The following MAP2K1 variants were observed in gnomAD, a reference collection of about 807,000 sequenced individuals.
MAP2K1 encodes the protein mitogen-activated protein kinase kinase 1, also known as dual specificity mitogen-activated protein kinase kinase 1.
Under a neutral mutation model 46.3 loss-of-function variants are expected in MAP2K1, and 16 were observed. That is an observed-to-expected ratio of 0.35 (90% CI 0.23 to 0.52). MAP2K1 has a LOEUF of 0.52. Among genes scored for constraint, MAP2K1 ranks in the 20% least tolerant of loss-of-function variants. MAP2K1 has a pLI of 0.94. For synonymous variants in MAP2K1, 183 were observed against 185.6 expected, an observed-to-expected ratio of 0.99 and a Z score of 0.11; for missense variants, 263 against 497.1, an observed-to-expected ratio of 0.53 and a Z score of 4.48.
chr15:66,431,015 C>T (rs1417374207), intron 1 of MAP2K1, among the ~76,000 whole-genome samples: 1 of 152,188 alleles, frequency 6.6e-6, no homozygotes, highest in Non-Finnish European at 1.5e-5. Context: ...GTGTGTGGTT[C>T]TAACTCTGCC....
intron 5 of MAP2K1, 58 bp from the exon 6 acceptor site, chr15:66,481,697 T>TCTC: frequency 1.3e-6 from 2 of 1,595,766 alleles, no homozygotes; most frequent in Non-Finnish European, 1.7e-6. Context: ...TGCTGATCCT[T>TCTC]CTCTTCCCCA....
intron 3 of MAP2K1, among the ~76,000 whole-genome samples, chr15:66,442,863 T>C (rs1244660687): frequency 6.6e-6 from 1 of 152,184 alleles, no homozygotes; most frequent in Non-Finnish European, 1.5e-5. Flanking sequence ...ATTAATTTGC[T>C]GGATTGGCAC....
At chr15:66,480,508 A>G (rs541311427) in intron 5 of MAP2K1, among the ~76,000 whole-genome samples, 12 of 152,180 alleles carry the variant, frequency 7.9e-5, no homozygotes, top group Non-Finnish European at 1.6e-4. Flanking sequence ...AGGCTGAAGC[A>G]GGTGTGTTGC....
At chr15:66,488,031 G>T (rs1481135841) in intron 8 of MAP2K1, among the ~76,000 whole-genome samples, 1 of 151,968 alleles carries the variant, frequency 6.6e-6, no homozygotes, top group African/African-American at 2.4e-5. Context: ...AGTAGCCCAG[G>T]TCCTTCCCAC....
At chr15:66,412,270 C>T (rs144363268) in intron 1 of MAP2K1, among the ~76,000 whole-genome samples, 19 of 152,296 alleles carry the variant, frequency 1.2e-4, no homozygotes, top group East Asian at 9.6e-4. Flanking sequence ...AACACCTCTG[C>T]GTTTGCTGTG....
intron 5 of MAP2K1, among the ~76,000 whole-genome samples, chr15:66,470,091 C>CTTT (rs1567021186): frequency 5.4e-5 from 3 of 55,732 alleles, no homozygotes; most frequent in Non-Finnish European, 1.1e-4. Flanking sequence ...ACTTTTTTTT[C>CTTT]TTGTTTTTTT....
intron 5 of MAP2K1, 156 bp downstream of exon 5, chr15:66,444,863 G>C: frequency 4.4e-6 from 3 of 676,940 alleles, no homozygotes; most frequent in South Asian, 1.7e-5. Flanking sequence ...GGTGGCTGAG[G>C]CAGCAACTCC....
intron 6 of MAP2K1, among the ~76,000 whole-genome samples, chr15:66,482,888 C>T (rs1357368127): frequency 6.6e-6 from 1 of 152,072 alleles, no homozygotes; most frequent in Non-Finnish European, 1.5e-5. Flanking sequence ...GGAGTGCAGG[C>T]CCGCGTGGAG....
In MAP2K1 at chr15:66,387,284, A is replaced by T; in HGVS notation, c.-64A>T. On this transcript the variant is annotated 5_prime_UTR_variant, in exon 1 of 11. Coordinates refer to ENST00000307102, the MANE Select transcript of MAP2K1 (RefSeq NM_002755.4). Reference sequence around the variant, plus strand: ...CTGCGCAGCGGGCGCGGGGCAGCGCAGCGGGAGGAAGCGAGAGGTGCTGCC... The same window carrying T: ...CTGCGCAGCGGGCGCGGGGCAGCGCTGCGGGAGGAAGCGAGAGGTGCTGCC... 1 of 1,376,028 alleles carries T rather than the reference A, an allele frequency of 7.3e-7. No individual in the cohort carries two copies. The highest frequency in any genetic ancestry group is 1.0e-6 in the Non-Finnish European group (1 of 989,176). The allele number at this position is 1,376,028 out of a possible 1,614,324, so 85.2% of individuals were successfully genotyped here. A position where few individuals can be genotyped will look rare whatever the true frequency, so the allele number is the denominator to read the frequency against.
At chr15:66,448,999 GTC>G (rs1222800808) in intron 5 of MAP2K1, among the ~76,000 whole-genome samples, 7 of 67,908 alleles carry the variant, frequency 1.0e-4, no homozygotes, top group Admixed American at 2.5e-4. Context: ...GTGAGACACT[GTC>G]TCAAAAAAAA....
intron 1 of MAP2K1, among the ~76,000 whole-genome samples, chr15:66,420,964 T>C (rs200173907): frequency 1.3e-4 from 3 of 23,884 alleles, no homozygotes; most frequent in Admixed American, 9.0e-4. Flanking sequence ...CATACATATA[T>C]ACACACACAT....
At chr15:66,389,651 C>T (rs1595833279) in intron 1 of MAP2K1, among the ~76,000 whole-genome samples, 1 of 147,172 alleles carries the variant, frequency 6.8e-6, no homozygotes, top group Non-Finnish European at 1.5e-5. Flanking sequence ...CTCGGCTCAC[C>T]ACAACCTCCA....
chr15:66,481,342 A>G (rs1436105018), intron 5 of MAP2K1, among the ~76,000 whole-genome samples: 4 of 152,108 alleles, frequency 2.6e-5, no homozygotes, highest in Non-Finnish European at 4.4e-5. Context: ...CAGCAAGCAG[A>G]TAGGTCTTAT....
chr15:66,391,031 T>C (rs1188683455), intron 1 of MAP2K1, among the ~76,000 whole-genome samples: 1 of 149,628 alleles, frequency 6.7e-6, no homozygotes. Context: ...ATGTGGTCCC[T>C]CTTTGTCATG....
chr15:66,484,232 C>T (rs540544088), intron 6 of MAP2K1, among the ~76,000 whole-genome samples: 49 of 152,022 alleles, frequency 3.2e-4, no homozygotes, highest in African/African-American at 1.2e-3. Flanking sequence ...ACTGCAACCT[C>T]TGCCTCCCGG....
intron 1 of MAP2K1, among the ~76,000 whole-genome samples, chr15:66,413,681 C>G (rs1024296580): frequency 2.0e-5 from 3 of 151,776 alleles, no homozygotes; most frequent in Middle Eastern, 3.2e-3. Context: ...GGGTTAGACT[C>G]AAGTTTGGGG....
At chr15:66,409,417 C>T (rs2093405908) in intron 1 of MAP2K1, among the ~76,000 whole-genome samples, 1 of 152,072 alleles carries the variant, frequency 6.6e-6, no homozygotes, top group Non-Finnish European at 1.5e-5. Context: ...GATCTGGGAG[C>T]CTCTTTTGCA....
intron 4 of MAP2K1, among the ~76,000 whole-genome samples, chr15:66,443,747 C>T (rs572465618): frequency 1.5e-4 from 23 of 152,196 alleles, no homozygotes; most frequent in African/African-American, 2.4e-4. Context: ...GTGGTGCACA[C>T]GTGTAGTCCC....
At chr15:66,421,736 T>C (rs1013473128) in intron 1 of MAP2K1, among the ~76,000 whole-genome samples, 1 of 151,242 alleles carries the variant, frequency 6.6e-6, no homozygotes, top group African/African-American at 2.4e-5. Context: ...GAGGTGGAGG[T>C]TGCAGTGAGC....
Sources: allele counts gnomAD v4.1 joint callset (sites outside exome capture counted in the v4.1 genomes callset), GRCh38; gene constraint gnomAD v4.1.1; transcripts MANE v1.5; gene names NCBI Gene and HGNC (gene_info 2026-07-23, HGNC 2026-07-21).